The following MAP2K1 variants were observed in gnomAD, a reference collection of about 807,000 sequenced individuals.
MAP2K1 encodes dual specificity mitogen-activated protein kinase kinase 1.
A neutral mutation model predicts 46.3 loss-of-function variants in MAP2K1; 16 were observed. The observed-to-expected ratio is 0.35, with a 90% CI of 0.23 to 0.52. MAP2K1 has a LOEUF of 0.52. Among genes scored for constraint, MAP2K1 ranks in the 20% least tolerant of loss-of-function variants. The pLI is 0.94. For synonymous variants in MAP2K1, 183 were observed against 185.6 expected (o/e 0.99, Z 0.11); for missense variants, 263 against 497.1 (o/e 0.53, Z 4.48).
At chr15:66,433,481 C>T (rs2093479872) in intron 1 of MAP2K1, among the ~76,000 whole-genome samples, 1 of 152,070 alleles carries the variant, frequency 6.6e-6, no homozygotes. Context: ...ATGTGTGCAG[C>T]AGGTGGGGTG....
At chr15:66,423,690 C>T (rs1273128536) in intron 1 of MAP2K1, among the ~76,000 whole-genome samples, 1 of 149,224 alleles carries the variant, frequency 6.7e-6, no homozygotes, top group Non-Finnish European at 1.5e-5. Flanking sequence ...TCACGGCAAC[C>T]TCTGCCTCCC....
chr15:66,387,391 C>T lies in MAP2K1; in HGVS notation c.44C>T (p.Pro15Leu), dbSNP rs764535990. Residue 15 changes from proline to leucine, a missense_variant, in exon 1 of 11, where the codon CCC becomes CTC. By Grantham distance (98) the Pro-to-Leu change is moderately conservative. Around this residue, in one of 4 missense-constraint regions of MAP2K1, gnomAD observed 31 missense variants for 29.9 expected, o/e 1.04. Coordinates refer to ENST00000307102, the MANE Select transcript of MAP2K1 (RefSeq NM_002755.4). ...KPTPIQLNPA[P>L]DGSAVNGTSS... The stretch of plus-strand genomic sequence containing the variant: ...ACGCCCATCCAGCTGAACCCGGCCC[C>T]CGACGGCTCTGCAGTTAACGGGACC... The T allele has an allele frequency of 6.4e-7, 1 of 1,566,210 alleles. No individual in the cohort carries two copies. The highest frequency in any genetic ancestry group is 8.7e-7 in the Non-Finnish European group (1 of 1,154,710).
chr15:66,489,547 A>G (rs999349973), intron 9 of MAP2K1, 171 bp from the exon 10 acceptor site: 2 of 723,014 alleles, frequency 2.8e-6, no homozygotes. Flanking sequence ...TTAACTCAGC[A>G]AGAATGTATT....
chr15:66,442,105 T>G (rs2093505634), intron 3 of MAP2K1, among the ~76,000 whole-genome samples: 1 of 152,208 alleles, frequency 6.6e-6, no homozygotes, highest in Non-Finnish European at 1.5e-5. Context: ...CTCTTTCCAC[T>G]GCCTCTGTCC....
At chr15:66,476,797 G>A (rs1037028324) in intron 5 of MAP2K1, among the ~76,000 whole-genome samples, 6 of 152,226 alleles carry the variant, frequency 3.9e-5, no homozygotes, top group African/African-American at 1.4e-4. Context: ...GACAGGAACA[G>A]TGTGTGAAGG....
rs142911802 is a variant in MAP2K1 at position 66,454,218 on chromosome 15, C to A, written c.568+9511C>A. Among the ~76,000 whole-genome samples the A allele has an allele frequency of 8.5e-4, 130 of 152,242 alleles. No homozygotes were observed. The East Asian group carries it at 0.024, about 28-fold the overall frequency. ...TTTGGCTAAAGCGGGTCATGTGTTT[C>A]AAGCCAAGATTTAAAAAGTAGAGTG... On this transcript the variant is annotated intron_variant, in intron 5 of 10. Coordinates refer to ENST00000307102, the MANE Select transcript of MAP2K1 (RefSeq NM_002755.4).
chr15:66,400,679 C>T (rs1431496274), intron 1 of MAP2K1, among the ~76,000 whole-genome samples: 4 of 152,166 alleles, frequency 2.6e-5, no homozygotes, highest in East Asian at 3.9e-4. Flanking sequence ...GCTAAGTTTT[C>T]GTCTTCTCCT....
chr15:66,468,658 CGCGGTG>C (rs1892527913), intron 5 of MAP2K1, among the ~76,000 whole-genome samples: 1 of 152,024 alleles, frequency 6.6e-6, no homozygotes, highest in South Asian at 2.1e-4. Flanking sequence ...TTTGGCTGGG[CGCGGTG>C]GCTCACACCT....
chr15:66,431,884 C>T (rs879019633), intron 1 of MAP2K1, among the ~76,000 whole-genome samples: 1 of 152,094 alleles, frequency 6.6e-6, no homozygotes, highest in Non-Finnish European at 1.5e-5. Flanking sequence ...TGTGTTGTTC[C>T]CGCCCCTGTG....
intron 1 of MAP2K1, among the ~76,000 whole-genome samples, chr15:66,391,804 A>G (rs146759727): frequency 2.0e-5 from 3 of 151,990 alleles, no homozygotes; most frequent in East Asian, 1.9e-4. Flanking sequence ...TAAGATATTT[A>G]TATGGTTTTA....
intron 5 of MAP2K1, among the ~76,000 whole-genome samples, chr15:66,455,087 G>T (rs1038516067): frequency 4.6e-5 from 7 of 152,106 alleles, no homozygotes; most frequent in Non-Finnish European, 7.4e-5. Context: ...CCTTATTTAG[G>T]GGGTAGGCAT....
chr15:66,435,345 G>T, intron 2 of MAP2K1, 108 bp downstream of exon 2: 54 of 775,030 alleles, frequency 7.0e-5, no homozygotes, highest in South Asian at 1.8e-4. Flanking sequence ...TTTTTGTGCT[G>T]TTTGAATTTT....
chr15:66,394,546 C>G (rs144139293), intron 1 of MAP2K1, among the ~76,000 whole-genome samples: 2 of 149,730 alleles, frequency 1.3e-5, no homozygotes, highest in African/African-American at 4.9e-5. Flanking sequence ...ACCTTGAACT[C>G]CTGGGTTCAG....
chr15:66,408,765 A>G (rs562914176), intron 1 of MAP2K1, among the ~76,000 whole-genome samples: 1 of 152,106 alleles, frequency 6.6e-6, no homozygotes, highest in Admixed American at 6.5e-5. Context: ...TCCACCTCCA[A>G]TATACGTATG....
At chr15:66,471,087 G>A (rs535789269) in intron 5 of MAP2K1, among the ~76,000 whole-genome samples, 3 of 152,222 alleles carry the variant, frequency 2.0e-5, no homozygotes, top group African/African-American at 7.2e-5. Context: ...CTCAGTGAGC[G>A]GAGGGATGGC....
chr15:66,463,829 A>G (rs1405102633), intron 5 of MAP2K1, among the ~76,000 whole-genome samples: 1 of 152,212 alleles, frequency 6.6e-6, no homozygotes, highest in Non-Finnish European at 1.5e-5. Flanking sequence ...ACATCAATTA[A>G]TATACGTAAG....
At chr15:66,479,573 G>A (rs990606480) in intron 5 of MAP2K1, among the ~76,000 whole-genome samples, 11 of 152,212 alleles carry the variant, frequency 7.2e-5, no homozygotes, top group African/African-American at 2.7e-4. Flanking sequence ...TCTGCACACT[G>A]TGGGGTAGGG....
chr15:66,442,993 C>G (rs1339782459), intron 3 of MAP2K1, among the ~76,000 whole-genome samples: 1 of 151,976 alleles, frequency 6.6e-6, no homozygotes, highest in Non-Finnish European at 1.5e-5. Flanking sequence ...CCATGCCTTC[C>G]CTGGGCGCAC....
chr15:66,435,575 G>A (rs554536576), intron 2 of MAP2K1, among the ~76,000 whole-genome samples: 10 of 152,136 alleles, frequency 6.6e-5, no homozygotes, highest in Non-Finnish European at 1.0e-4. Flanking sequence ...TGATACGCCC[G>A]CCTCAGCCCC....
Sources: gnomAD v4.1 joint callset for allele counts (sites outside exome capture counted in the v4.1 genomes callset) on GRCh38, gnomAD v4.1.1 for gene constraint, gnomAD v4.1.1 regional missense constraint, MANE v1.5 for transcripts, NCBI Gene and HGNC (gene_info 2026-07-23, HGNC 2026-07-21) for gene names.